TMEM132D: variants seen among roughly 807,000 people sequenced by gnomAD.
TMEM132D encodes the protein mature OL transmembrane protein.
Under a neutral mutation model 62.3 loss-of-function variants are expected in TMEM132D, and 21 were observed. That is an observed-to-expected ratio of 0.34 (90% CI 0.24 to 0.49). The LOEUF is 0.49. Ranked by LOEUF, TMEM132D falls within the 20% of genes least tolerant of loss-of-function variation. The probability of loss-of-function intolerance (pLI) is 0.99; values close to 1 mark genes in which losing one functional copy is unlikely to be tolerated. For missense variants in TMEM132D, 1,346 were observed against 1,402.8 expected (o/e 0.96, Z 0.65); for synonymous variants, 621 against 575.6 (o/e 1.08, Z -1.13).
intron 3 of TMEM132D, among the ~76,000 whole-genome samples, chr12:129,396,100 G>A (rs991435945): frequency 1.3e-5 from 2 of 150,170 alleles, no homozygotes; most frequent in African/African-American, 2.4e-5. Context: ...TACAGATATA[G>A]GTATGTCTTG....
At chr12:129,425,966 G>C (rs1382302891) in intron 3 of TMEM132D, among the ~76,000 whole-genome samples, 2 of 152,196 alleles carry the variant, frequency 1.3e-5, no homozygotes, top group Admixed American at 6.5e-5. Flanking sequence ...CAGATGCTTT[G>C]AGAATAGGAT....
intron 5 of TMEM132D, among the ~76,000 whole-genome samples, chr12:129,137,142 T>TCACAATCAC (rs1460272787): frequency 0.013 from 401 of 30,506 alleles, 9 homozygotes; most frequent in East Asian, 0.1. Context: ...ACCATCACTA[T>TCACAATCAC]CATTGTCATC....
At chr12:129,364,380 A>T (rs985115132) in intron 3 of TMEM132D, among the ~76,000 whole-genome samples, 1 of 152,232 alleles carries the variant, frequency 6.6e-6, no homozygotes, top group Non-Finnish European at 1.5e-5. Flanking sequence ...TAAATTGTTC[A>T]GTGTACAACC....
chr12:129,738,052 T>G (rs901469094), intron 1 of TMEM132D, among the ~76,000 whole-genome samples: 1 of 152,258 alleles, frequency 6.6e-6, no homozygotes, highest in Non-Finnish European at 1.5e-5. Context: ...TAATGCACCA[T>G]ATTGATTGGC....
In TMEM132D at chr12:129,463,465, T is replaced by TGTATTA. The variant is rs1469195752; in HGVS notation, c.1115+67593_1115+67594insTAATAC. Among the ~76,000 whole-genome samples, 619 of 89,660 alleles carry TGTATTA rather than the reference T, an allele frequency of 6.9e-3. 3 individuals carry two copies. Among genetic ancestry groups the TGTATTA allele is most frequent in the African/African-American group, 0.015 (513 of 33,288 alleles). 58.8% of individuals were successfully genotyped at this position (89,660 alleles called of 152,430 possible). A position where few individuals can be genotyped will look rare whatever the true frequency, so the allele number is the denominator to read the frequency against. On this transcript the variant is annotated intron_variant, in intron 3 of 8. Transcript: ENST00000422113. Reference sequence around the variant, plus strand: ...ATTTATTTATTTATTTATTTATTTATTTATGTATTATTATTATTATTATTA... The same window carrying TGTATTA: ...ATTTATTTATTTATTTATTTATTTATGTATTATTATGTATTATTATTATTATTATTA...
intron 1 of TMEM132D, among the ~76,000 whole-genome samples, chr12:129,820,892 C>G (rs927741803): frequency 6.6e-6 from 1 of 152,090 alleles, no homozygotes; most frequent in Non-Finnish European, 1.5e-5. Flanking sequence ...CCTGGCTGCC[C>G]CCAGATTTTA....
chr12:129,738,536 C>T (rs929686977), intron 1 of TMEM132D, among the ~76,000 whole-genome samples: 2 of 152,178 alleles, frequency 1.3e-5, no homozygotes, highest in Non-Finnish European at 2.9e-5. Context: ...AACCCCAACA[C>T]GCTGTAGCAA....
chr12:129,233,112 T>C (rs1268230823), intron 4 of TMEM132D, among the ~76,000 whole-genome samples: 1 of 152,252 alleles, frequency 6.6e-6, no homozygotes, highest in Non-Finnish European at 1.5e-5. Context: ...CTTATTCTTA[T>C]GTTAATATAT....
At chr12:129,658,213 T>C (rs1391122633) in intron 2 of TMEM132D, among the ~76,000 whole-genome samples, 1 of 152,168 alleles carries the variant, frequency 6.6e-6, no homozygotes, top group Non-Finnish European at 1.5e-5. Context: ...AGTAATCCAG[T>C]AAACCCCTGG....
At chr12:129,679,032 C>G (rs1402865347) in intron 2 of TMEM132D, among the ~76,000 whole-genome samples, 1 of 151,592 alleles carries the variant, frequency 6.6e-6, no homozygotes, top group Admixed American at 6.6e-5. Context: ...AAAATTATAA[C>G]CCATCTATAT....
intron 2 of TMEM132D, among the ~76,000 whole-genome samples, chr12:129,618,325 G>A (rs1878975569): frequency 6.6e-6 from 1 of 152,118 alleles, no homozygotes; most frequent in Non-Finnish European, 1.5e-5. Context: ...ATAATAATGA[G>A]GTCAGAGTAG....
chr12:129,194,038 G>A lies in TMEM132D; in HGVS notation c.1443+15482C>T, dbSNP rs573060328. On this transcript the variant is annotated intron_variant, in intron 5 of 8. Transcript: ENST00000422113. ...CATTTTGACCTTCAGGGGTTAGGAA[G>A]CAATCATTTGCAATCCTCATGGTTT... is the stretch of plus-strand genomic sequence containing the variant. Among the ~76,000 whole-genome samples, 5 of 152,330 alleles carry A rather than the reference G, an allele frequency of 3.3e-5. No homozygotes were observed. The South Asian group carries it at 1.0e-3, about 32-fold the overall frequency.
Position 129,074,394 on chromosome 12 carries a change from G to C in TMEM132D, c.2781C>G (p.Phe927Leu), listed in dbSNP as rs2135602893. The change falls in exon 9 of 9, where the codon TTC (phenylalanine) becomes TTG (leucine). Residue 927 changes from phenylalanine (F) to leucine (L), a missense_variant. Transcript: ENST00000422113. The part of the protein sequence containing the change: ...EIGMYALLGV[F>L]CLAILVFLIN... ...TCAAGAAGACCAAAATGGCCAAACA[G>C]AAGACTCCCAACAAAGCATACATCC... The C allele has an allele frequency of 6.2e-7, 1 of 1,614,036 alleles. No individual in the cohort carries two copies. The highest frequency in any genetic ancestry group is 8.5e-7 in the Non-Finnish European group (1 of 1,180,032).
chr12:129,582,907 T>G (rs994926869), intron 2 of TMEM132D, among the ~76,000 whole-genome samples: 34 of 150,920 alleles, frequency 2.3e-4, no homozygotes, highest in Admixed American at 2.0e-3. Context: ...TTATAGGCAT[T>G]AGCCACCACG....
At chr12:129,193,751 G>C (rs1029637535) in intron 5 of TMEM132D, among the ~76,000 whole-genome samples, 2 of 152,148 alleles carry the variant, frequency 1.3e-5, no homozygotes, top group Non-Finnish European at 2.9e-5. Flanking sequence ...TACATACCAG[G>C]CCTTCTGGTA....
intron 1 of TMEM132D, among the ~76,000 whole-genome samples, chr12:129,864,625 G>A (rs1753308372): frequency 6.6e-6 from 1 of 152,230 alleles, no homozygotes; most frequent in African/African-American, 2.4e-5. Context: ...GAGGACAGCA[G>A]AGACAAGAGA....
chr12:129,652,705 G>C (rs1340400002), intron 2 of TMEM132D, among the ~76,000 whole-genome samples: 2 of 152,188 alleles, frequency 1.3e-5, no homozygotes, highest in African/African-American at 4.8e-5. Flanking sequence ...CCAACACCTT[G>C]ACTTAGTCCA....
At chr12:129,279,258 T>C (rs1480161069) in intron 4 of TMEM132D, among the ~76,000 whole-genome samples, 4 of 152,218 alleles carry the variant, frequency 2.6e-5, no homozygotes, top group East Asian at 1.9e-4. Flanking sequence ...GGATTTTCTC[T>C]TGGAGGATAA....
chr12:129,756,230 T>C (rs896513), intron 1 of TMEM132D, among the ~76,000 whole-genome samples: 88,547 of 151,984 alleles, frequency 0.58, 26,320 homozygotes, highest in Middle Eastern at 0.7. Context: ...CTAGAGTTCA[T>C]AATACCATAC....
Sources: allele counts gnomAD v4.1 joint callset (sites outside exome capture counted in the v4.1 genomes callset), GRCh38; gene constraint gnomAD v4.1.1; transcripts MANE v1.5; gene names NCBI Gene and HGNC (gene_info 2026-07-23, HGNC 2026-07-21).